Variants in TRPC6 observed in about 807,000 individuals in gnomAD.
TRPC6 encodes short transient receptor potential channel 6.
A neutral mutation model predicts 90.7 loss-of-function variants in TRPC6; 55 were observed. The ratio of observed to expected loss-of-function variants is 0.61; its 90% CI spans 0.49 to 0.76. The LOEUF is 0.76. Ranked by LOEUF, TRPC6 falls within the 30% of genes least tolerant of loss-of-function variation. TRPC6 has a pLI of 0.00. For synonymous variants in TRPC6, 393 were observed against 393.0 expected (o/e 1.00, Z 0.00); for missense variants, 989 against 1,122.7 (o/e 0.88, Z 1.70).
intron 1 of TRPC6, among the ~76,000 whole-genome samples, chr11:101,540,957 A>G (rs1471380871): frequency 6.6e-6 from 1 of 152,246 alleles, no homozygotes; most frequent in Non-Finnish European, 1.5e-5. Flanking sequence ...TTTTTAACTT[A>G]AAAGAGTATT....
In TRPC6 at chr11:101,473,671, G is replaced by C. The variant is rs1859346598; in HGVS notation, c.1847C>G (p.Ala616Gly). 14 of 1,613,738 alleles carry C rather than the reference G, an allele frequency of 8.7e-6. No homozygotes were observed. The highest frequency in any genetic ancestry group is 1.2e-5 in the Non-Finnish European group (14 of 1,179,786). Residue 616 changes from alanine (A) to glycine (G), a missense_variant, in exon 7 of 13, where the codon GCA becomes GGA. This residue lies in a region of TRPC6 where 118 missense variants were observed against 197.6 expected (regional missense o/e 0.60). Coordinates refer to ENST00000344327, the MANE Select transcript of TRPC6 (RefSeq NM_004621.6). ...CTGCAGAGGTCCAAAGCTTTCATTT[G>C]CTGGTAAAATATAAGCTATCCTAGA... ...SFSRIAYILP[A>G]NESFGPLQIS...
At chr11:101,466,405 C>G (rs1322466491) in intron 10 of TRPC6, among the ~76,000 whole-genome samples, 1 of 152,216 alleles carries the variant, frequency 6.6e-6, no homozygotes, top group Non-Finnish European at 1.5e-5. Context: ...GATCTGCTGC[C>G]CAGAGAGGAG....
chr11:101,545,632 A>G (rs1348002241), intron 1 of TRPC6, among the ~76,000 whole-genome samples: 1 of 152,230 alleles, frequency 6.6e-6, no homozygotes, highest in African/African-American at 2.4e-5. Context: ...GTCTCTGATA[A>G]AAACCAAATA....
intron 10 of TRPC6, among the ~76,000 whole-genome samples, chr11:101,457,413 A>G (rs1477615180): frequency 6.6e-6 from 1 of 152,190 alleles, no homozygotes; most frequent in Admixed American, 6.6e-5. Flanking sequence ...AGCAATACTA[A>G]TAACTTGTTT....
chr11:101,483,304 A>G, intron 4 of TRPC6, 139 bp from the exon 5 acceptor site: 1 of 1,076,036 alleles, frequency 9.3e-7, no homozygotes, highest in Admixed American at 2.0e-5. Flanking sequence ...GTAATTCGTG[A>G]TAGAGTAATA....
intron 1 of TRPC6, among the ~76,000 whole-genome samples, chr11:101,537,930 A>G (rs1288647182): frequency 1.3e-5 from 2 of 152,196 alleles, no homozygotes; most frequent in Non-Finnish European, 2.9e-5. Context: ...TACCATCAAT[A>G]TGTAGTTTTA....
chr11:101,570,474 A>G (rs76763671), intron 1 of TRPC6, among the ~76,000 whole-genome samples: 4 of 152,224 alleles, frequency 2.6e-5, no homozygotes, highest in African/African-American at 9.6e-5. Context: ...TTTCTTCTGA[A>G]ACTATTCCAA....
At chr11:101,550,252 T>C (rs184716908) in intron 1 of TRPC6, among the ~76,000 whole-genome samples, 91 of 151,740 alleles carry the variant, frequency 6.0e-4, no homozygotes, top group Non-Finnish European at 2.1e-4. Flanking sequence ...TAGAATTTTA[T>C]CTGCCTTTTA....
At chr11:101,519,539 T>C (rs963086421) in intron 1 of TRPC6, among the ~76,000 whole-genome samples, 1 of 152,198 alleles carries the variant, frequency 6.6e-6, no homozygotes, top group African/African-American at 2.4e-5. Flanking sequence ...CAAAATGATG[T>C]TCTCTCCAAT....
At position 101,518,404 on chromosome 11, in the gene TRPC6, A is replaced by T. The variant is rs988740329; in HGVS notation, c.171-13606T>A. On this transcript the variant is annotated intron_variant, in intron 1 of 12. Transcript: ENST00000344327. ...CATAATATTTGAATAGAAATTTCTC[A>T]AAAGAAGACATACAAATTGCAAACA... Among the ~76,000 whole-genome samples the T allele has an allele frequency of 2.6e-5, 4 of 152,232 alleles. No individual in the cohort carries two copies. In the East Asian group the frequency reaches 7.7e-4, roughly 29 times the overall value.
At chr11:101,482,836 T>C in intron 5 of TRPC6, 113 bp downstream of exon 5, 1 of 1,101,234 alleles carries the variant, frequency 9.1e-7, no homozygotes, top group Non-Finnish European at 1.4e-6. Flanking sequence ...TGATGTGTGG[T>C]GCACTGTATC....
chr11:101,542,641 A>G (rs1453917095), intron 1 of TRPC6, among the ~76,000 whole-genome samples: 1 of 151,972 alleles, frequency 6.6e-6, no homozygotes, highest in Non-Finnish European at 1.5e-5. Context: ...CTAAAGACAG[A>G]ATAGTATCTA....
At chr11:101,523,454 G>A (rs1860706152) in intron 1 of TRPC6, among the ~76,000 whole-genome samples, 1 of 152,162 alleles carries the variant, frequency 6.6e-6, no homozygotes. Flanking sequence ...ATGAGAAAAT[G>A]GAACTGAACA....
intron 2 of TRPC6, among the ~76,000 whole-genome samples, chr11:101,500,208 T>TC (rs1383420502): frequency 6.2e-5 from 7 of 113,760 alleles, no homozygotes; most frequent in African/African-American, 2.6e-4. Context: ...TGTATTTTTT[T>TC]TCTTTCTTTT....
rs1341193061 is a variant in TRPC6 at position 101,499,669 on chromosome 11, G to GTA, written c.945+4353_945+4354dup. ...TATATATATACACAATATAAAATGT[G>GTA]TATATATATATACACAATATAAAAT... On this transcript the variant is annotated intron_variant, in intron 2 of 12. Transcript: ENST00000344327. Among the ~76,000 whole-genome samples, 104 of 41,632 alleles carry GTA rather than the reference G, an allele frequency of 2.5e-3. 17 individuals carry two copies. Among genetic ancestry groups the GTA allele is most frequent in the African/African-American group, 0.013 (86 of 6,520 alleles). 27.3% of individuals were successfully genotyped at this position (41,632 alleles called of 152,430 possible).
intron 1 of TRPC6, among the ~76,000 whole-genome samples, chr11:101,552,398 C>G (rs896929683): frequency 6.6e-6 from 1 of 152,046 alleles, no homozygotes; most frequent in Non-Finnish European, 1.5e-5. Context: ...TTACTTGGCT[C>G]TAAATATTTT....
At chr11:101,459,733 C>G (rs1348551397) in intron 10 of TRPC6, among the ~76,000 whole-genome samples, 3 of 152,022 alleles carry the variant, frequency 2.0e-5, no homozygotes, top group Non-Finnish European at 4.4e-5. Flanking sequence ...ATTATACATC[C>G]TTCATGCTTT....
At chr11:101,492,013 G>A (rs1047983551) in intron 2 of TRPC6, among the ~76,000 whole-genome samples, 3 of 151,524 alleles carry the variant, frequency 2.0e-5, no homozygotes, top group Non-Finnish European at 4.4e-5. Context: ...GCTAATTTTT[G>A]TATTTTTAGT....
At position 101,558,427 on chromosome 11, in the gene TRPC6, CTACATATA is replaced by C. The variant is rs1250949448; in HGVS notation, c.170+24899_170+24906del. Among the ~76,000 whole-genome samples, 4 of 104,896 alleles carry C rather than the reference CTACATATA, an allele frequency of 3.8e-5. 1 individual carries two copies. Among genetic ancestry groups the C allele is most frequent in the Admixed American group, 2.2e-4 (2 of 9,006 alleles). The allele number at this position is 104,896 out of a possible 152,430, so 68.8% of individuals were successfully genotyped here. ...CACACACATATACACACACACATAT[CTACATATA>C]TACATATATATACACACGCACACAT... On this transcript the variant is annotated intron_variant, in intron 1 of 12. Coordinates refer to ENST00000344327, the MANE Select transcript of TRPC6 (RefSeq NM_004621.6).
Sources: allele counts gnomAD v4.1 joint callset (sites outside exome capture counted in the v4.1 genomes callset), GRCh38; gene constraint gnomAD v4.1.1; regional missense constraint gnomAD v4.1.1; transcripts MANE v1.5; gene names NCBI Gene and HGNC (gene_info 2026-07-23, HGNC 2026-07-21).